The following HMCN1 variants were observed in gnomAD, a reference collection of about 807,000 sequenced individuals.
HMCN1 encodes hemicentin-1.
A neutral mutation model predicts 625.9 loss-of-function variants in HMCN1; 321 were observed. The ratio of observed to expected loss-of-function variants is 0.51; its 90% CI spans 0.47 to 0.56. The LOEUF (loss-of-function observed/expected upper bound fraction) is 0.56, where lower values mean the gene tolerates loss of function less well. HMCN1 is among the 20% of genes least tolerant of loss of function. The pLI is 0.00. For synonymous variants in HMCN1, 2,425 were observed against 2,417.6 expected (o/e 1.00, Z -0.09); for missense variants, 6,588 against 6,887.3 (o/e 0.96, Z 1.54).
Position 186,053,062 on chromosome 1 carries a change from TG to T in HMCN1, c.6690del (p.Trp2230Ter). 1 of 1,609,466 alleles carries T rather than the reference TG, an allele frequency of 6.2e-7. No homozygotes were observed. Among genetic ancestry groups the T allele is most frequent in the Non-Finnish European group, 8.5e-7 (1 of 1,176,552 alleles). ...TGGTATTCCACCCCCAAATCTCATC[TG>T]GAAGAAGAAAGGTCAGTTTTCATCC... ...SSGIPPPNLI[W>X]KKKGSPVLTD... On this transcript the variant is annotated frameshift_variant, in exon 43 of 107. Coordinates refer to ENST00000271588, the MANE Select transcript of HMCN1 (RefSeq NM_031935.3). LOFTEE classifies it high-confidence loss of function.
At chr1:185,875,187 T>A (rs1285546804) in intron 4 of HMCN1, among the ~76,000 whole-genome samples, 1 of 152,012 alleles carries the variant, frequency 6.6e-6, no homozygotes, top group East Asian at 1.9e-4. Flanking sequence ...CTGGATAGTA[T>A]GATTATGGAT....
intron 1 of HMCN1, among the ~76,000 whole-genome samples, chr1:185,826,838 C>T (rs546356075): frequency 6.6e-6 from 1 of 152,288 alleles, no homozygotes; most frequent in Non-Finnish European, 1.5e-5. Flanking sequence ...GCCACATGAA[C>T]TTCCAACAAA....
intron 1 of HMCN1, among the ~76,000 whole-genome samples, chr1:185,776,442 T>G (rs1206836805): frequency 6.8e-6 from 1 of 146,986 alleles, no homozygotes; most frequent in Non-Finnish European, 1.5e-5. Context: ...TTGTATAGGG[T>G]TGTGTGTGTG....
intron 2 of HMCN1, among the ~76,000 whole-genome samples, chr1:185,858,384 C>G (rs1016771524): frequency 1.3e-5 from 2 of 151,722 alleles, no homozygotes; most frequent in African/African-American, 2.4e-5. Context: ...GTATTCAGGT[C>G]AAAATGAAAC....
At chr1:185,808,609 G>T (rs985970221) in intron 1 of HMCN1, among the ~76,000 whole-genome samples, 4 of 152,012 alleles carry the variant, frequency 2.6e-5, no homozygotes, top group African/African-American at 9.7e-5. Context: ...ATGGATTTTG[G>T]TACTTAATAT....
chr1:186,016,258 G>T lies in HMCN1; in HGVS notation c.5191+19G>T, dbSNP rs1056444129. ...GTCTTGGGTAAATAAGGATGCCACT[G>T]CCTGGGTTCTCAGATTCATAGCAAA... is the stretch of plus-strand genomic sequence containing the variant. On this transcript the variant is annotated intron_variant, in intron 32 of 106. Coordinates refer to ENST00000271588, the MANE Select transcript of HMCN1 (RefSeq NM_031935.3). 1 of 1,608,106 alleles carries T rather than the reference G, an allele frequency of 6.2e-7. No individual in the cohort carries two copies. Among genetic ancestry groups the T allele is most frequent in the Non-Finnish European group, 8.5e-7 (1 of 1,175,300 alleles).
chr1:185,892,583 G>A (rs940292715), intron 4 of HMCN1, among the ~76,000 whole-genome samples: 6 of 152,172 alleles, frequency 3.9e-5, no homozygotes, highest in African/African-American at 7.2e-5. Context: ...TGAGGTGTCA[G>A]TGTGCCCCTG....
intron 85 of HMCN1, 31 bp from the exon 86 acceptor site, chr1:186,132,297 A>G: frequency 1.3e-6 from 2 of 1,552,400 alleles, no homozygotes; most frequent in Non-Finnish European, 1.8e-6. Context: ...GTAGGCTCAT[A>G]TTTTTGTAAA....
intron 1 of HMCN1, among the ~76,000 whole-genome samples, chr1:185,775,672 A>C (rs1656549682): frequency 6.6e-6 from 1 of 152,188 alleles, no homozygotes; most frequent in African/African-American, 2.4e-5. Flanking sequence ...GGAAACAAAA[A>C]GGGATTTGAT....
intron 30 of HMCN1, among the ~76,000 whole-genome samples, chr1:186,014,934 A>G (rs1263474307): frequency 1.3e-5 from 2 of 152,110 alleles, no homozygotes; most frequent in African/African-American, 2.4e-5. Context: ...ACTCCCTGAA[A>G]TGGAATCTGT....
At chr1:186,016,533 T>C (rs1442832055) in intron 32 of HMCN1, among the ~76,000 whole-genome samples, 2 of 152,098 alleles carry the variant, frequency 1.3e-5, no homozygotes, top group Non-Finnish European at 2.9e-5. Context: ...CATGGTCTTT[T>C]GTCATAAGCA....
At chr1:186,124,115 T>C (rs1277956489) in intron 81 of HMCN1, among the ~76,000 whole-genome samples, 1 of 152,106 alleles carries the variant, frequency 6.6e-6, no homozygotes, top group East Asian at 1.9e-4. Flanking sequence ...TTCTCAAATG[T>C]CTATAGAAAA....
At chr1:185,932,059 A>T (rs1667578170) in intron 10 of HMCN1, among the ~76,000 whole-genome samples, 1 of 152,172 alleles carries the variant, frequency 6.6e-6, no homozygotes, top group African/African-American at 2.4e-5. Flanking sequence ...ATATTATTGT[A>T]TTTGTATCTT....
chr1:186,007,693 T>A (rs1477673110), intron 30 of HMCN1, among the ~76,000 whole-genome samples: 1 of 152,192 alleles, frequency 6.6e-6, no homozygotes, highest in Non-Finnish European at 1.5e-5. Context: ...GTGGCCGTTA[T>A]CCTGACCATG....
At chr1:186,137,226 T>A (rs889345639) in intron 87 of HMCN1, among the ~76,000 whole-genome samples, 1 of 152,208 alleles carries the variant, frequency 6.6e-6, no homozygotes, top group Admixed American at 6.5e-5. Context: ...ATGACTTATG[T>A]CCAAAAGGTG....
chr1:186,038,737 A>G, intron 37 of HMCN1, 92 bp from the exon 38 acceptor site: 1 of 768,542 alleles, frequency 1.3e-6, no homozygotes, highest in Non-Finnish European at 2.3e-6. Context: ...TAAGTATAAG[A>G]ATAAAGTAAT....
At chr1:185,768,059 C>A (rs1655984648) in intron 1 of HMCN1, among the ~76,000 whole-genome samples, 1 of 152,182 alleles carries the variant, frequency 6.6e-6, no homozygotes, top group East Asian at 1.9e-4. Flanking sequence ...AGGATAATTC[C>A]TTTGAATGCA....
intron 52 of HMCN1, among the ~76,000 whole-genome samples, chr1:186,072,785 A>G (rs1455037308): frequency 6.6e-6 from 1 of 152,202 alleles, no homozygotes; most frequent in Admixed American, 6.5e-5. Context: ...TGGGAACAGA[A>G]AATGTGAGCA....
rs113211330 is a variant in HMCN1 at position 186,124,674 on chromosome 1, C to G, written c.12500-930C>G. 1.1e-4 allele frequency among the ~76,000 whole-genome samples: 17 copies of G among 151,844 alleles called. No homozygotes were observed. In the East Asian group the frequency reaches 3.3e-3, roughly 29 times the overall value. On this transcript the variant is annotated intron_variant, in intron 81 of 106. Transcript: ENST00000271588. ...AGGACAAAAAATTAACTATTTTAAT[C>G]GAAAACAGTTAATTTAACTGAAAGT...
Sources: allele counts gnomAD v4.1 joint callset (sites outside exome capture counted in the v4.1 genomes callset), GRCh38; gene constraint gnomAD v4.1.1; transcripts MANE v1.5; gene names NCBI Gene and HGNC (gene_info 2026-07-23, HGNC 2026-07-21).